The following ABCC8 variants were observed in gnomAD, a reference collection of about 807,000 sequenced individuals.
ABCC8 encodes the protein ATP binding cassette subfamily C member 8.
ABCC8 carries 137 observed loss-of-function variants against 188.0 expected under a neutral mutation model. That is an observed-to-expected ratio of 0.73 (90% CI 0.63 to 0.84). The LOEUF (loss-of-function observed/expected upper bound fraction) is 0.84, where lower values mean the gene tolerates loss of function less well. Among genes scored for constraint, ABCC8 ranks in the 40% least tolerant of loss-of-function variants. The probability of loss-of-function intolerance (pLI) is 0.00; values close to 1 mark genes in which losing one functional copy is unlikely to be tolerated. For missense variants in ABCC8, 1,750 were observed against 2,072.7 expected (o/e 0.84, Z 3.02); for synonymous variants, 797 against 846.5 (o/e 0.94, Z 1.01).
chr11:17,449,128 A>G (rs1048653074), intron 7 of ABCC8, among the ~76,000 whole-genome samples: 1 of 152,106 alleles, frequency 6.6e-6, no homozygotes, highest in Admixed American at 6.6e-5. Context: ...GGGTTTTGCC[A>G]TGTTGGCCAG....
intron 9 of ABCC8, 137 bp from the exon 10 acceptor site, chr11:17,443,019 C>T: frequency 6.5e-7 from 1 of 1,530,416 alleles, no homozygotes; most frequent in South Asian, 1.1e-5. Context: ...CCCATTGACT[C>T]CATTTCCCAG....
rs1176459775 is a variant in ABCC8 at position 17,395,984 on chromosome 11, G to A, written c.4120-54C>T. ...TGGGACTCTGGGGCTGCTGGGAATA[G>A]CCTCTATGCTAGCTCTGGGTGTGTG... On this transcript the variant is annotated intron_variant, in intron 33 of 38. Coordinates refer to ENST00000389817, the MANE Select transcript of ABCC8 (RefSeq NM_000352.6). 105 of 1,551,188 alleles carry A rather than the reference G, an allele frequency of 6.8e-5. 2 individuals carry two copies. In the South Asian group the frequency reaches 1.2e-3, roughly 18 times the overall value.
At chr11:17,395,021 G>A in intron 36 of ABCC8, 151 bp downstream of exon 36, 1 of 1,000,182 alleles carries the variant, frequency 1.0e-6, no homozygotes, top group East Asian at 2.6e-5. Context: ...GACCTCTCTG[G>A]GCCCCCGTAT....
chr11:17,462,194 G>T (rs2133682238), intron 4 of ABCC8, among the ~76,000 whole-genome samples: 1 of 152,268 alleles, frequency 6.6e-6, no homozygotes, highest in African/African-American at 2.4e-5. Flanking sequence ...ACCTGGTTTT[G>T]AATCCTGCCT....
chr11:17,410,460 C>G, intron 22 of ABCC8, 56 bp downstream of exon 22: 2 of 1,587,136 alleles, frequency 1.3e-6, no homozygotes, highest in Non-Finnish European at 1.7e-6. Context: ...TGCCAAGATG[C>G]CTGACAGCCT....
chr11:17,408,883 C>G (rs1954670114), intron 22 of ABCC8, among the ~76,000 whole-genome samples: 1 of 152,120 alleles, frequency 6.6e-6, no homozygotes, highest in South Asian at 2.1e-4. Context: ...CTGGCAGCCT[C>G]CATCAGGGCT....
intron 29 of ABCC8, 21 bp downstream of exon 29, chr11:17,402,640 T>C (rs1227614355): frequency 1.9e-6 from 3 of 1,614,140 alleles, no homozygotes; most frequent in African/African-American, 1.3e-5. Context: ...ACTCCTACCT[T>C]GGGGGAATGT....
intron 3 of ABCC8, among the ~76,000 whole-genome samples, chr11:17,468,446 AC>A (rs1255262223): frequency 1.3e-5 from 2 of 152,162 alleles, no homozygotes; most frequent in Non-Finnish European, 2.9e-5. Flanking sequence ...GCGGATTGAT[AC>A]CTTTACCCCA....
intron 4 of ABCC8, 161 bp from the exon 5 acceptor site, chr11:17,461,986 A>C (rs1957210858): frequency 1.2e-6 from 1 of 850,212 alleles, no homozygotes; most frequent in Non-Finnish European, 1.4e-6. Context: ...ATTCCCCAAC[A>C]CTTCTTGGCC....
At chr11:17,417,697 C>A (rs1564910016) in intron 16 of ABCC8, among the ~76,000 whole-genome samples, 1 of 152,106 alleles carries the variant, frequency 6.6e-6, no homozygotes, top group Non-Finnish European at 1.5e-5. Context: ...TTTAATAATA[C>A]TAACAACAGC....
At chr11:17,466,398 C>CAA (rs747797902) in intron 3 of ABCC8, among the ~76,000 whole-genome samples, 1,302 of 49,592 alleles carry the variant, frequency 0.026, 49 homozygotes, top group African/African-American at 0.076. Context: ...GACTCCATCT[C>CAA]AAAAAAAAAA....
chr11:17,465,609 AGGCATAACAT>A (rs1409119018), intron 3 of ABCC8: 1 of 152,218 alleles, frequency 6.6e-6, no homozygotes, highest in African/African-American at 2.4e-5. Context: ...GGAAGGAAAG[AGGCATAACAT>A]GGGGGCTGCT....
At chr11:17,459,504 A>G (rs1267518877) in intron 6 of ABCC8, among the ~76,000 whole-genome samples, 1 of 152,236 alleles carries the variant, frequency 6.6e-6, no homozygotes, top group Admixed American at 6.5e-5. Context: ...CCTCCTGAGG[A>G]TTAACTGCTG....
At chr11:17,438,952 GGCAA>G (rs1956209233) in intron 10 of ABCC8, among the ~76,000 whole-genome samples, 1 of 152,204 alleles carries the variant, frequency 6.6e-6, no homozygotes, top group South Asian at 2.1e-4. Flanking sequence ...CTTGCTAGGC[GGCAA>G]GCATGGAGCT....
intron 12 of ABCC8, 152 bp downstream of exon 12, chr11:17,430,662 C>T (rs957989560): frequency 2.2e-6 from 2 of 922,784 alleles, no homozygotes; most frequent in East Asian, 4.8e-5. Flanking sequence ...AGGCCAATGT[C>T]CCTCTGACCA....
At chr11:17,461,953 C>T in intron 4 of ABCC8, 128 bp from the exon 5 acceptor site, 2 of 1,465,996 alleles carry the variant, frequency 1.4e-6, no homozygotes, top group Non-Finnish European at 9.1e-7. Context: ...CATCTTTCGC[C>T]TGTAATTATT....
chr11:17,414,421 G>C, intron 19 of ABCC8, 91 bp downstream of exon 19: 1 of 1,535,054 alleles, frequency 6.5e-7, no homozygotes, highest in South Asian at 1.1e-5. Context: ...GGCTGGGTGT[G>C]GGTGATCGAT....
At position 17,406,645 on chromosome 11, in the gene ABCC8, G is replaced by C. The variant is rs1564892393; in HGVS notation, c.3306C>G (p.Asn1102Lys). Reference protein sequence around the residue: ...VAKRLHRSLLNRIILAPMRFF... With the variant: ...VAKRLHRSLLKRIILAPMRFF... Reference sequence around the variant, plus strand: ...ACCTCATGGGGGCTAGGATGATCCGGTTTAGCAGGCTGCGGTGCAGTCTCT... The same window carrying C: ...ACCTCATGGGGGCTAGGATGATCCGCTTTAGCAGGCTGCGGTGCAGTCTCT... The change falls in exon 26 of 39, where the codon AAC becomes AAG. Residue 1102 changes from asparagine (N) to lysine (K), a missense_variant. By Grantham distance (94) the Asn-to-Lys change is moderately conservative. Transcript: ENST00000389817. 6.2e-7 allele frequency: 1 copy of C among 1,614,088 alleles called. No individual in the cohort carries two copies. The highest frequency in any genetic ancestry group is 8.5e-7 in the Non-Finnish European group (1 of 1,180,034).
At chr11:17,402,049 C>T (rs755823802) in intron 29 of ABCC8, among the ~76,000 whole-genome samples, 1 of 152,224 alleles carries the variant, frequency 6.6e-6, no homozygotes, top group Non-Finnish European at 1.5e-5. Flanking sequence ...GCTGTAAACG[C>T]CTGCAGGGCA....
Sources: allele counts gnomAD v4.1 joint callset (sites outside exome capture counted in the v4.1 genomes callset), GRCh38; gene constraint gnomAD v4.1.1; transcripts MANE v1.5; gene names NCBI Gene and HGNC (gene_info 2026-07-23, HGNC 2026-07-21).